FBLN1: variants seen among roughly 807,000 people sequenced by gnomAD.
FBLN1 encodes fibulin 1, also known as fibulin-1.
FBLN1 carries 34 observed loss-of-function variants against 89.7 expected under a neutral mutation model. The observed-to-expected ratio is 0.38, with a 90% confidence interval of 0.29 to 0.50. The LOEUF (loss-of-function observed/expected upper bound fraction) is 0.50. FBLN1 is among the 20% of genes least tolerant of loss of function. FBLN1 has a pLI of 0.92. For synonymous variants in FBLN1, 393 were observed against 391.3 expected (o/e 1.00, Z -0.05); for missense variants, 777 against 988.1 (o/e 0.79, Z 2.86).
rs2088957830 is a variant in FBLN1 at position 45,572,114 on chromosome 22, G to A, written c.1698-2397G>A. On this transcript the variant is annotated intron_variant, in intron 14 of 16. Coordinates refer to ENST00000327858, the MANE Select transcript of FBLN1 (RefSeq NM_006486.3). This position sits in a 1 kb window ranked among gnomAD's most constrained non-coding sequence, Gnocchi z 5.8. ...ACAGCACTCCAGCCTGGGTGACAGA[G>A]CGAGACTCATCTCAAAAAATATATA... Among the ~76,000 whole-genome samples the A allele has an allele frequency of 6.6e-6, 1 of 152,060 alleles. No individual in the cohort carries two copies. Among genetic ancestry groups the A allele is most frequent in the Non-Finnish European group, 1.5e-5 (1 of 68,030 alleles).
At position 45,561,828 on chromosome 22, in the gene FBLN1, C is replaced by T. The variant is rs932690788; in HGVS notation, c.1697+11213C>T. ...GGAGCAAGGAGAGCCAGTCCGAGTC[C>T]CAAAACTGAAGAACTTGGAGTCCGA... On this transcript the variant is annotated intron_variant, in intron 14 of 16. Coordinates refer to ENST00000327858, the MANE Select transcript of FBLN1 (RefSeq NM_006486.3). The surrounding 1 kb of genome is among the most constrained non-coding windows in gnomAD (Gnocchi z 4.7). 2.6e-5 allele frequency among the ~76,000 whole-genome samples: 4 copies of T among 152,102 alleles called. No individual in the cohort carries two copies. The highest frequency in any genetic ancestry group is 9.7e-5 in the African/African-American group (4 of 41,410).
intron 14 of FBLN1, among the ~76,000 whole-genome samples, chr22:45,560,991 G>T (rs1383902358): frequency 6.6e-6 from 1 of 152,128 alleles, no homozygotes; most frequent in African/African-American, 2.4e-5. Flanking sequence ...CGGGGATGTT[G>T]CCACTACTGG....
At chr22:45,586,918 C>T (rs1372619346) in intron 16 of FBLN1, among the ~76,000 whole-genome samples, 1 of 152,090 alleles carries the variant, frequency 6.6e-6, no homozygotes, top group Non-Finnish European at 1.5e-5. Context: ...CTGGGCCAGG[C>T]CATGTGGACA....
At position 45,533,890 on chromosome 22, in the gene FBLN1, G is replaced by A. The variant is rs1569243479; in HGVS notation, c.776G>A (p.Ser259Asn). 6.2e-7 allele frequency: 1 copy of A among 1,614,066 alleles called. No individual in the cohort carries two copies. Among genetic ancestry groups the A allele is most frequent in the Admixed American group, 1.7e-5 (1 of 60,032 alleles). The change falls in exon 7 of 17, where the codon AGC (serine) becomes AAC (asparagine). Residue 259 changes from serine to asparagine, a missense_variant. Ser to Asn is a conservative substitution (Grantham distance 46). Transcript: ENST00000327858. Reference sequence around the variant, plus strand: ...GGCTATGAGCTCACAGAGGACAATAGCTGCAAAGGTACAGCATGCGCTCCG... The same window carrying A: ...GGCTATGAGCTCACAGAGGACAATAACTGCAAAGGTACAGCATGCGCTCCG... ...GTGYELTEDN[S>N]CKDIDECESG...
rs1309675261 is a variant in FBLN1, at chr22:45,577,152, C to T, written c.1972+44C>T. ...CAGCTCTATCCAGGCACCCCTCCCCCTCCACCCCGAAACCCTCTCTGGCCC... is the reference window on the plus strand; with the variant it reads ...CAGCTCTATCCAGGCACCCCTCCCCTTCCACCCCGAAACCCTCTCTGGCCC... On this transcript the variant is annotated intron_variant, in intron 16 of 16. Coordinates refer to ENST00000327858, the MANE Select transcript of FBLN1 (RefSeq NM_006486.3). This position sits in a 1 kb window ranked among gnomAD's most constrained non-coding sequence, Gnocchi z 6.6. 1 of 1,609,972 alleles carries T rather than the reference C, an allele frequency of 6.2e-7. No homozygotes were observed.
chr22:45,576,954 T>G lies in FBLN1; in HGVS notation c.1841-23T>G, dbSNP rs771271941. On this transcript the variant is annotated intron_variant, in intron 15 of 16. Coordinates refer to ENST00000327858, the MANE Select transcript of FBLN1 (RefSeq NM_006486.3). This position sits in a 1 kb window ranked among gnomAD's most constrained non-coding sequence, Gnocchi z 5.2. ...GCTGGGGCCAGGCTGTGCTGAGCCC[T>G]TCTCCATTCTGTGCCTCTGCAGAGA... 7.4e-6 allele frequency: 12 copies of G among 1,613,074 alleles called. No homozygotes were observed. Among genetic ancestry groups the G allele is most frequent in the Non-Finnish European group, 9.3e-6 (11 of 1,179,996 alleles).
At position 45,576,906 on chromosome 22, in the gene FBLN1, C is replaced by T; in HGVS notation, c.1841-71C>T. ...GTCTTCATTCCCCAAGGGTGAGTTCCTGGGGACGAGGCTGGGACTGGGGCT... is the reference window on the plus strand; with the variant it reads ...GTCTTCATTCCCCAAGGGTGAGTTCTTGGGGACGAGGCTGGGACTGGGGCT... On this transcript the variant is annotated intron_variant, in intron 15 of 16. Coordinates refer to ENST00000327858, the MANE Select transcript of FBLN1 (RefSeq NM_006486.3). This position sits in a 1 kb window ranked among gnomAD's most constrained non-coding sequence, Gnocchi z 5.2. The T allele has an allele frequency of 6.3e-7, 1 of 1,590,528 alleles. No individual in the cohort carries two copies. Among genetic ancestry groups the T allele is most frequent in the South Asian group, 1.1e-5 (1 of 90,402 alleles).
chr22:45,569,234 C>G (rs1230607699), intron 14 of FBLN1, among the ~76,000 whole-genome samples: 2 of 152,180 alleles, frequency 1.3e-5, no homozygotes, highest in Non-Finnish European at 2.9e-5. Flanking sequence ...TTCCTAATCC[C>G]TAATACCTCT....
intron 16 of FBLN1, among the ~76,000 whole-genome samples, chr22:45,598,454 G>A (rs2089204383): frequency 6.6e-6 from 1 of 152,218 alleles, no homozygotes; most frequent in Non-Finnish European, 1.5e-5. Flanking sequence ...ATTCATAAAT[G>A]TCAGCACCCA....
In FBLN1 at chr22:45,563,011, G is replaced by A. The variant is rs554710590; in HGVS notation, c.1698-11500G>A. 79 of 1,613,360 alleles carry A rather than the reference G, an allele frequency of 4.9e-5. 1 individual carries two copies. In the South Asian group the frequency reaches 6.0e-4, roughly 12 times the overall value. On this transcript the variant is annotated intron_variant, in intron 14 of 16. Transcript: ENST00000327858. This position sits in a 1 kb window ranked among gnomAD's most constrained non-coding sequence, Gnocchi z 5.7. The stretch of plus-strand genomic sequence containing the variant: ...TCTCTTTCCCCACCAACATCCAAGC[G>A]CCCGCGGTGGTTTTCCGCATGGGCC...
In FBLN1 at chr22:45,599,576, C is replaced by CT. The variant is rs1350708658; in HGVS notation, c.1973-730dup. Among the ~76,000 whole-genome samples the CT allele has an allele frequency of 5.3e-5, 8 of 152,252 alleles. No individual in the cohort carries two copies. The South Asian group carries it at 1.0e-3, about 20-fold the overall frequency. On this transcript the variant is annotated intron_variant, in intron 16 of 16. Transcript: ENST00000327858. The stretch of plus-strand genomic sequence containing the variant: ...GGGTTGGAAGGAGGGAGAAAGATGT[C>CT]TATCAGGTACCCACTGCATGCCAGG...
rs150936861 is a variant in FBLN1, at chr22:45,548,716, G to A, written c.1545G>A (p.Arg515=). The A allele has an allele frequency of 6.2e-7, 1 of 1,613,454 alleles. No homozygotes were observed. The highest frequency in any genetic ancestry group is 2.2e-5 in the East Asian group (1 of 44,876). The change falls in exon 13 of 17, where the codon AGG becomes AGA. Residue 515 remains arginine (R), a synonymous_variant. Transcript: ENST00000327858. ...FQCSCPSSGY[R]LAPNGRNCQD... Reference sequence around the variant, plus strand: ...GCAGCTGCCCCTCGTCTGGCTACAGGCTGGCCCCCAATGGCCGCAACTGCC... The same window carrying A: ...GCAGCTGCCCCTCGTCTGGCTACAGACTGGCCCCCAATGGCCGCAACTGCC...
At chr22:45,541,430 C>A in intron 9 of FBLN1, 58 bp downstream of exon 9, 2 of 1,603,586 alleles carry the variant, frequency 1.2e-6, no homozygotes, top group Non-Finnish European at 8.5e-7. Flanking sequence ...CAGCATGCAC[C>A]CTGCCTTCTC....
chr22:45,510,765 T>C (rs1163028030), intron 1 of FBLN1, among the ~76,000 whole-genome samples: 3 of 152,104 alleles, frequency 2.0e-5, no homozygotes, highest in Non-Finnish European at 4.4e-5. Flanking sequence ...TGACCTGTGT[T>C]TCTCTGCATG....
At position 45,542,060 on chromosome 22, in the gene FBLN1, C is replaced by A; in HGVS notation, c.1067-95C>A. 6 of 1,570,304 alleles carry A rather than the reference C, an allele frequency of 3.8e-6. No homozygotes were observed. The South Asian group carries it at 5.6e-5, about 15-fold the overall frequency. On this transcript the variant is annotated intron_variant, in intron 9 of 16. Transcript: ENST00000327858. ...TGAAATGGAATGCCTGTTTCCATGTCCATGTGTTCCTTTCTTGCTTTCCTT... is the reference window on the plus strand; with the variant it reads ...TGAAATGGAATGCCTGTTTCCATGTACATGTGTTCCTTTCTTGCTTTCCTT...
At chr22:45,585,882 G>A (rs1249393781) in intron 16 of FBLN1, among the ~76,000 whole-genome samples, 2 of 152,100 alleles carry the variant, frequency 1.3e-5, no homozygotes, top group South Asian at 2.1e-4. Flanking sequence ...GTAGCCCCCC[G>A]AAACAGCTGC....
intron 16 of FBLN1, among the ~76,000 whole-genome samples, chr22:45,599,979 G>A (rs951756174): frequency 3.9e-5 from 6 of 152,208 alleles, no homozygotes; most frequent in Non-Finnish European, 5.9e-5. Context: ...GAAAACCTGG[G>A]CTCAGAAGCT....
At position 45,550,396 on chromosome 22, in the gene FBLN1, A is replaced by G; in HGVS notation, c.1574-96A>G. ...AGGGATGGCCTGATCGCCACCCCTA[A>G]CCCTAGTTGATGGGAGGCCTGGGCT... On this transcript the variant is annotated intron_variant, in intron 13 of 16. Coordinates refer to ENST00000327858, the MANE Select transcript of FBLN1 (RefSeq NM_006486.3). The surrounding 1 kb of genome is among the most constrained non-coding windows in gnomAD (Gnocchi z 8.4). 2 of 1,585,016 alleles carry G rather than the reference A, an allele frequency of 1.3e-6. No individual in the cohort carries two copies. The highest frequency in any genetic ancestry group is 1.7e-6 in the Non-Finnish European group (2 of 1,158,282).
At chr22:45,508,749 A>G (rs1340739258) in intron 1 of FBLN1, among the ~76,000 whole-genome samples, 1 of 152,084 alleles carries the variant, frequency 6.6e-6, no homozygotes, top group African/African-American at 2.4e-5. Flanking sequence ...ACTTTATAGA[A>G]TACCTAGGAT....
Sources: gnomAD v4.1 joint callset for allele counts (sites outside exome capture counted in the v4.1 genomes callset) on GRCh38, gnomAD v4.1.1 for gene constraint, Gnocchi (gnomAD v3.1) non-coding constraint, MANE v1.5 for transcripts, NCBI Gene and HGNC (gene_info 2026-07-23, HGNC 2026-07-21) for gene names.